The following MACROD2 variants were observed in gnomAD, a reference collection of about 807,000 sequenced individuals.
MACROD2 encodes mono-ADP ribosylhydrolase 2.
Under a neutral mutation model 70.4 loss-of-function variants are expected in MACROD2, and 36 were observed. The ratio of observed to expected loss-of-function variants is 0.51; its 90% CI spans 0.39 to 0.68. The LOEUF is 0.68. MACROD2 is among the 30% of genes least tolerant of loss of function. MACROD2 has a pLI of 0.00. For synonymous variants in MACROD2, 172 were observed against 178.8 expected, an observed-to-expected ratio of 0.96 and a Z score of 0.30; for missense variants, 496 against 538.4, an observed-to-expected ratio of 0.92 and a Z score of 0.78.
At chr20:14,984,787 G>A (rs1264911617) in intron 5 of MACROD2, among the ~76,000 whole-genome samples, 1 of 152,130 alleles carries the variant, frequency 6.6e-6, no homozygotes, top group African/African-American at 2.4e-5. Context: ...TGGGGAGAGG[G>A]TTGGGGGCAT....
intron 3 of MACROD2, among the ~76,000 whole-genome samples, chr20:14,471,794 G>A (rs1279978909): frequency 6.6e-6 from 1 of 151,466 alleles, no homozygotes; most frequent in East Asian, 1.9e-4. Flanking sequence ...ATTATTGAGG[G>A]GTAAAACATG....
chr20:15,443,941 A>G (rs1331756139), intron 7 of MACROD2, among the ~76,000 whole-genome samples: 5 of 152,200 alleles, frequency 3.3e-5, no homozygotes, highest in Non-Finnish European at 5.9e-5. Context: ...TAATAAAAAT[A>G]GAGCCTAATC....
rs560763917 is a variant in MACROD2, at chr20:14,161,795, C to T, written c.271+76067C>T. Among the ~76,000 whole-genome samples, 155 of 151,858 alleles carry T rather than the reference C, an allele frequency of 1.0e-3. 1 individual carries two copies. The highest frequency in any genetic ancestry group is 3.6e-3 in the African/African-American group (151 of 41,422). The stretch of plus-strand genomic sequence containing the variant: ...CTTTTTAGTAGAGACAAGGTTTAAC[C>T]GTGTTAGCCAGGATAGTCTCGATCT... On this transcript the variant is annotated intron_variant, in intron 3 of 17. Coordinates refer to ENST00000684519, the MANE Select transcript of MACROD2 (RefSeq NM_001351661.2).
chr20:14,901,189 G>T (rs147976946), intron 5 of MACROD2, among the ~76,000 whole-genome samples: 1 of 152,102 alleles, frequency 6.6e-6, no homozygotes, highest in East Asian at 1.9e-4. Flanking sequence ...TATAGTAGAT[G>T]CAGTAAACAC....
intron 5 of MACROD2, among the ~76,000 whole-genome samples, chr20:15,103,568 G>A (rs561399096): frequency 1.2e-4 from 19 of 152,236 alleles, no homozygotes; most frequent in Admixed American, 1.2e-3. Flanking sequence ...ATTAGTATTG[G>A]CTGTAAGTAC....
intron 5 of MACROD2, among the ~76,000 whole-genome samples, chr20:15,039,100 T>C (rs1475317421): frequency 2.6e-5 from 4 of 152,268 alleles, no homozygotes; most frequent in Admixed American, 2.0e-4. Flanking sequence ...TTATGTGACC[T>C]GAGAGCTTTC....
intron 3 of MACROD2, among the ~76,000 whole-genome samples, chr20:14,168,671 A>G (rs989767740): frequency 2.0e-5 from 3 of 152,204 alleles, no homozygotes; most frequent in Admixed American, 2.0e-4. Context: ...CTACAGTATT[A>G]TACAGGATAG....
intron 5 of MACROD2, among the ~76,000 whole-genome samples, chr20:14,721,840 A>G (rs540666322): frequency 2.6e-4 from 40 of 152,230 alleles, no homozygotes; most frequent in African/African-American, 9.1e-4. Flanking sequence ...TGTTACCTCC[A>G]TGACTTCCTT....
intron 3 of MACROD2, among the ~76,000 whole-genome samples, chr20:14,322,635 G>A (rs8126410): frequency 0.17 from 25,901 of 151,918 alleles, 2,614 homozygotes; most frequent in East Asian, 0.29. Flanking sequence ...ACAGAGTGTT[G>A]GGAAACATTT....
At chr20:14,001,484 G>A (rs1009001673) in intron 1 of MACROD2, among the ~76,000 whole-genome samples, 1 of 147,998 alleles carries the variant, frequency 6.8e-6, no homozygotes, top group Admixed American at 6.7e-5. Flanking sequence ...CTTTTTTTGT[G>A]CTCTTACTAT....
At chr20:15,814,493 T>C (rs1054871662) in intron 8 of MACROD2, among the ~76,000 whole-genome samples, 14 of 152,214 alleles carry the variant, frequency 9.2e-5, no homozygotes, top group African/African-American at 3.4e-4. Context: ...GCTGGCTTAA[T>C]AATTCACCCA....
At chr20:15,984,248 C>T (rs1025691866) in intron 13 of MACROD2, among the ~76,000 whole-genome samples, 3 of 152,050 alleles carry the variant, frequency 2.0e-5, no homozygotes, top group Admixed American at 1.3e-4. Flanking sequence ...AATATGTTTA[C>T]ACACAGAATT....
chr20:15,021,089 CGTGT>C (rs2075166626), intron 5 of MACROD2, among the ~76,000 whole-genome samples: 1 of 127,502 alleles, frequency 7.8e-6, no homozygotes, highest in African/African-American at 3.0e-5. Context: ...TGTGTATACA[CGTGT>C]ATGTGTATAC....
chr20:14,024,963 T>C (rs563764961), intron 2 of MACROD2, among the ~76,000 whole-genome samples: 59 of 152,358 alleles, frequency 3.9e-4, no homozygotes, highest in Non-Finnish European at 6.9e-4. Flanking sequence ...CTCCTCTTTG[T>C]GACTCTGGTA....
At chr20:14,180,551 A>G (rs1280176912) in intron 3 of MACROD2, among the ~76,000 whole-genome samples, 1 of 152,134 alleles carries the variant, frequency 6.6e-6, no homozygotes, top group Non-Finnish European at 1.5e-5. Context: ...AATTTTTTAA[A>G]TTGCCTGAGG....
At chr20:14,183,624 T>C (rs961273955) in intron 3 of MACROD2, among the ~76,000 whole-genome samples, 2 of 152,108 alleles carry the variant, frequency 1.3e-5, no homozygotes, top group African/African-American at 4.8e-5. Context: ...TTGAAGTAAT[T>C]AATACTCCCA....
rs544878940 is a variant in MACROD2, at chr20:14,899,987, T to TA, written c.418+215033dup. On this transcript the variant is annotated intron_variant, in intron 5 of 17. Coordinates refer to ENST00000684519, the MANE Select transcript of MACROD2 (RefSeq NM_001351661.2). ...GTTTGAAGAGGTTCTCTTCTATTCC[T>TA]AAAAATATTCCTGGTTGAATATTTT... Among the ~76,000 whole-genome samples the TA allele has an allele frequency of 8.7e-4, 133 of 152,298 alleles. 1 individual carries two copies. Among genetic ancestry groups the TA allele is most frequent in the African/African-American group, 3.1e-3 (129 of 41,586 alleles).
intron 3 of MACROD2, among the ~76,000 whole-genome samples, chr20:14,469,130 C>G (rs2084496014): frequency 6.6e-6 from 1 of 152,124 alleles, no homozygotes; most frequent in African/African-American, 2.4e-5. Flanking sequence ...CTGGTGGTGA[C>G]AAAATCTCTC....
intron 5 of MACROD2, among the ~76,000 whole-genome samples, chr20:14,697,732 G>A (rs987191965): frequency 6.6e-6 from 1 of 152,048 alleles, no homozygotes; most frequent in South Asian, 2.1e-4. Flanking sequence ...GTTCATCATG[G>A]TAATTAGCAA....
Sources: allele counts gnomAD v4.1 joint callset (sites outside exome capture counted in the v4.1 genomes callset), GRCh38; gene constraint gnomAD v4.1.1; transcripts MANE v1.5; gene names NCBI Gene and HGNC (gene_info 2026-07-23, HGNC 2026-07-21).